The following PRKN variants were observed in gnomAD, a reference collection of about 807,000 sequenced individuals.
The protein encoded by PRKN is E3 ubiquitin-protein ligase parkin.
In PRKN, 56 loss-of-function variants were observed where a neutral mutation model predicts 59.5. The ratio of observed to expected loss-of-function variants is 0.94; its 90% CI spans 0.76 to 1.18. PRKN has a LOEUF of 1.18. PRKN is among the 50% of genes most tolerant of loss of function. PRKN has a pLI of 0.00. For synonymous variants in PRKN, 250 were observed against 222.1 expected, an observed-to-expected ratio of 1.13 and a Z score of -1.12; for missense variants, 657 against 596.4, an observed-to-expected ratio of 1.10 and a Z score of -1.06.
At chr6:162,267,842 G>T (rs1377301834) in intron 2 of PRKN, among the ~76,000 whole-genome samples, 1 of 152,004 alleles carries the variant, frequency 6.6e-6, no homozygotes, top group African/African-American at 2.4e-5. Context: ...CTCTCATCTG[G>T]TTGGACATTA....
chr6:161,424,975 C>T (rs1304478723), intron 9 of PRKN, among the ~76,000 whole-genome samples: 1 of 152,128 alleles, frequency 6.6e-6, no homozygotes, highest in South Asian at 2.1e-4. Context: ...TTTCTTTGTT[C>T]AGAAACACTT....
chr6:162,499,510 A>T (rs539158052), intron 1 of PRKN, among the ~76,000 whole-genome samples: 4 of 152,302 alleles, frequency 2.6e-5, no homozygotes, highest in African/African-American at 9.6e-5. Flanking sequence ...GTAGGCAACC[A>T]ATACATATTT....
intron 2 of PRKN, among the ~76,000 whole-genome samples, chr6:162,275,548 G>A (rs1780599679): frequency 6.6e-6 from 1 of 152,136 alleles, no homozygotes; most frequent in Non-Finnish European, 1.5e-5. Context: ...ACTTTGAGAG[G>A]CCAAAGCAGG....
At position 161,526,126 on chromosome 6, in the gene PRKN, T is replaced by TA. The variant is rs1027242786; in HGVS notation, c.1083+22727dup. The stretch of plus-strand genomic sequence containing the variant: ...TAAACCAGCTCTTTTCCAACCTTCC[T>TA]AAAAAAAAAGGTCAGTCCCATAAAT... On this transcript the variant is annotated intron_variant, in intron 9 of 11. Coordinates refer to ENST00000366898, the MANE Select transcript of PRKN (RefSeq NM_004562.3). The surrounding 1 kb of genome is among the most constrained non-coding windows in gnomAD (Gnocchi z 4.1). Among the ~76,000 whole-genome samples the TA allele has an allele frequency of 4.6e-5, 7 of 150,918 alleles. No individual in the cohort carries two copies. Among genetic ancestry groups the TA allele is most frequent in the South Asian group, 2.1e-4 (1 of 4,786 alleles).
chr6:162,004,059 G>C (rs1321960116), intron 5 of PRKN, among the ~76,000 whole-genome samples: 1 of 152,166 alleles, frequency 6.6e-6, no homozygotes, highest in Non-Finnish European at 1.5e-5. Flanking sequence ...ATTTGGTTTG[G>C]ATCTGTATCC....
chr6:162,644,955 T>C (rs1285300067), intron 1 of PRKN, among the ~76,000 whole-genome samples: 2 of 152,196 alleles, frequency 1.3e-5, no homozygotes, highest in Non-Finnish European at 2.9e-5. Flanking sequence ...GAACTTAGCA[T>C]AGCTCTTAGA....
intron 6 of PRKN, among the ~76,000 whole-genome samples, chr6:161,886,586 C>T (rs1795155410): frequency 6.6e-6 from 1 of 152,054 alleles, no homozygotes; most frequent in African/African-American, 2.4e-5. Flanking sequence ...ATCCCAGCTA[C>T]TCAGGAAGGC....
At chr6:161,833,778 G>A (rs537022467) in intron 6 of PRKN, among the ~76,000 whole-genome samples, 1 of 152,258 alleles carries the variant, frequency 6.6e-6, no homozygotes, top group Admixed American at 6.5e-5. Context: ...ACACAGAGGT[G>A]GAGAAAGGGT....
Position 161,456,596 on chromosome 6 carries a change from T to G in PRKN, c.1084-69719A>C, listed in dbSNP as rs984357528. On this transcript the variant is annotated intron_variant, in intron 9 of 11. Coordinates refer to ENST00000366898, the MANE Select transcript of PRKN (RefSeq NM_004562.3). The surrounding 1 kb of genome is among the most constrained non-coding windows in gnomAD (Gnocchi z 4.8). Reference sequence around the variant, plus strand: ...ATATTCATCTATCCAATTAGTTCTGTCCCTCTAGAGAACCCTGACTAATAA... The same window carrying G: ...ATATTCATCTATCCAATTAGTTCTGGCCCTCTAGAGAACCCTGACTAATAA... 6.6e-6 allele frequency among the ~76,000 whole-genome samples: 1 copy of G among 151,352 alleles called. No individual in the cohort carries two copies. The highest frequency in any genetic ancestry group is 2.4e-5 in the African/African-American group (1 of 40,948).
chr6:162,587,604 AAT>A (rs1485114097), intron 1 of PRKN, among the ~76,000 whole-genome samples: 4 of 152,204 alleles, frequency 2.6e-5, no homozygotes, highest in African/African-American at 9.7e-5. Flanking sequence ...ATGATAATAT[AAT>A]AGTCATAATG....
rs534076148 is a variant in PRKN at position 161,788,659 on chromosome 6, T to A, written c.735-2751A>T. On this transcript the variant is annotated intron_variant, in intron 6 of 11. Transcript: ENST00000366898. The stretch of plus-strand genomic sequence containing the variant: ...AGAGTGAGCAGTGAAGGGACTAGCA[T>A]TGGAAGTGAAGACAGAGACTCATGT... Among the ~76,000 whole-genome samples, 8 of 152,276 alleles carry A rather than the reference T, an allele frequency of 5.3e-5. No individual in the cohort carries two copies. In the South Asian group the frequency reaches 1.7e-3, roughly 32 times the overall value.
At chr6:162,715,014 A>G (rs1778670417) in intron 1 of PRKN, among the ~76,000 whole-genome samples, 1 of 152,256 alleles carries the variant, frequency 6.6e-6, no homozygotes, top group African/African-American at 2.4e-5. Flanking sequence ...ATTTGCATGG[A>G]AAAGATGACA....
intron 7 of PRKN, among the ~76,000 whole-genome samples, chr6:161,710,720 A>G (rs1303736753): frequency 6.6e-6 from 1 of 152,176 alleles, no homozygotes; most frequent in Non-Finnish European, 1.5e-5. Context: ...CAGGAGTCAC[A>G]GCAAGAAATA....
At chr6:162,495,017 A>G (rs1792993495) in intron 1 of PRKN, among the ~76,000 whole-genome samples, 1 of 152,226 alleles carries the variant, frequency 6.6e-6, no homozygotes, top group Non-Finnish European at 1.5e-5. Flanking sequence ...AAGATATTTC[A>G]CTGTCACTGA....
intron 10 of PRKN, among the ~76,000 whole-genome samples, chr6:161,383,301 C>T (rs1786078215): frequency 6.6e-6 from 1 of 152,188 alleles, no homozygotes; most frequent in Non-Finnish European, 1.5e-5. Context: ...TTGTTTGGTT[C>T]GTGCCTTCCC....
At chr6:161,614,690 G>A (rs1782622411) in intron 7 of PRKN, among the ~76,000 whole-genome samples, 2 of 152,210 alleles carry the variant, frequency 1.3e-5, no homozygotes, top group Non-Finnish European at 1.5e-5. Context: ...GGAATGTCTA[G>A]TTTTATAAAA....
intron 1 of PRKN, among the ~76,000 whole-genome samples, chr6:162,628,561 T>C (rs927473370): frequency 1.3e-5 from 2 of 151,836 alleles, no homozygotes; most frequent in African/African-American, 4.8e-5. Context: ...CTATGTGAAA[T>C]AGGAGACAAA....
intron 6 of PRKN, among the ~76,000 whole-genome samples, chr6:161,915,231 AGCCGAGGTTGT>A (rs913208155): frequency 2.0e-5 from 3 of 152,178 alleles, no homozygotes; most frequent in African/African-American, 7.2e-5. Flanking sequence ...GGTTGCAGTG[AGCCGAGGTTGT>A]GCCCTGCACT....
Position 161,361,975 on chromosome 6 carries a change from A to G in PRKN, c.1168-1770T>C, listed in dbSNP as rs555926080. On this transcript the variant is annotated intron_variant, in intron 10 of 11. Transcript: ENST00000366898. The surrounding 1 kb of genome is among the most constrained non-coding windows in gnomAD (Gnocchi z 5.2). ...ACACGTGGCAAACACCCATCCCCCCACCGACCTGCACCCCAACGCCACCCC... is the reference window on the plus strand; with the variant it reads ...ACACGTGGCAAACACCCATCCCCCCGCCGACCTGCACCCCAACGCCACCCC... Among the ~76,000 whole-genome samples, 6 of 151,680 alleles carry G rather than the reference A, an allele frequency of 4.0e-5. No individual in the cohort carries two copies. Among genetic ancestry groups the G allele is most frequent in the African/African-American group, 9.7e-5 (4 of 41,316 alleles).
Sources: allele counts gnomAD v4.1 joint callset (sites outside exome capture counted in the v4.1 genomes callset), GRCh38; gene constraint gnomAD v4.1.1; non-coding constraint Gnocchi (gnomAD v3.1); transcripts MANE v1.5; gene names NCBI Gene and HGNC (gene_info 2026-07-23, HGNC 2026-07-21).